Variants in NRXN3 observed in about 807,000 individuals in gnomAD.
The protein encoded by NRXN3 is neurexin III.
A neutral mutation model predicts 137.6 loss-of-function variants in NRXN3; 32 were observed. The ratio of observed to expected loss-of-function variants is 0.23; its 90% CI spans 0.18 to 0.31. NRXN3 has a LOEUF of 0.31. Ranked by LOEUF, NRXN3 falls within the 10% of genes least tolerant of loss-of-function variation. The pLI, the probability that NRXN3 is intolerant of heterozygous loss-of-function variation, is 1.00. For synonymous variants in NRXN3, 798 were observed against 784.5 expected (o/e 1.02, Z -0.29); for missense variants, 1,574 against 2,062.5 (o/e 0.76, Z 4.59).
chr14:78,368,087 C>CG (rs2086246493), intron 4 of NRXN3, among the ~76,000 whole-genome samples: 1 of 152,152 alleles, frequency 6.6e-6, no homozygotes, highest in African/African-American at 2.4e-5. Context: ...GTTTTAGCAA[C>CG]GGGAAAGTAA....
intron 15 of NRXN3, among the ~76,000 whole-genome samples, chr14:79,307,963 T>A (rs1598514132): frequency 2.0e-5 from 3 of 152,056 alleles, no homozygotes; most frequent in Admixed American, 2.0e-4. Context: ...TGGAGCATTG[T>A]TTTCTCTGAG....
chr14:79,326,977 T>A (rs944714271), intron 15 of NRXN3, among the ~76,000 whole-genome samples: 7 of 151,968 alleles, frequency 4.6e-5, no homozygotes, highest in African/African-American at 1.2e-4. Flanking sequence ...AAAACAAATT[T>A]AAAAAAAAGT....
At chr14:79,464,220 A>T (rs182975084) in intron 15 of NRXN3, among the ~76,000 whole-genome samples, 14 of 152,118 alleles carry the variant, frequency 9.2e-5, no homozygotes, top group Admixed American at 2.6e-4. Flanking sequence ...ATATTTTCAT[A>T]TTTTTTTCTT....
At chr14:79,131,024 C>T (rs1410443146) in intron 15 of NRXN3, among the ~76,000 whole-genome samples, 1 of 152,230 alleles carries the variant, frequency 6.6e-6, no homozygotes, top group African/African-American at 2.4e-5. Context: ...TGGCTTTCAG[C>T]TCCATCAGCT....
chr14:78,314,893 CTCTTTCTTTCTTTCTT>C (rs67628703), intron 4 of NRXN3, among the ~76,000 whole-genome samples: 19 of 82,122 alleles, frequency 2.3e-4, no homozygotes, highest in African/African-American at 1.0e-3. Flanking sequence ...TTCTTTCTTT[CTCTTTCTTTCTTTCTT>C]TCTTTCTTTC....
chr14:79,640,232 T>G (rs1398267990), intron 16 of NRXN3, among the ~76,000 whole-genome samples: 1 of 135,662 alleles, frequency 7.4e-6, no homozygotes, highest in East Asian at 2.0e-4. Flanking sequence ...CTTTCAGTGA[T>G]AGCTTAGGAA....
chr14:79,536,855 A>G (rs925222369), intron 16 of NRXN3, among the ~76,000 whole-genome samples: 5 of 152,110 alleles, frequency 3.3e-5, no homozygotes, highest in Non-Finnish European at 7.3e-5. Flanking sequence ...TGTCCAGTCT[A>G]TCATTGATGG....
chr14:79,650,567 A>G (rs2098471132), intron 16 of NRXN3, among the ~76,000 whole-genome samples: 1 of 152,158 alleles, frequency 6.6e-6, no homozygotes, highest in Non-Finnish European at 1.5e-5. Context: ...ATTATATCCA[A>G]GCCTTCTGAT....
At chr14:79,261,114 G>A (rs2153406453) in intron 15 of NRXN3, among the ~76,000 whole-genome samples, 1 of 152,308 alleles carries the variant, frequency 6.6e-6, no homozygotes, top group South Asian at 2.1e-4. Context: ...GCTGGGAAGG[G>A]GTGAGGAGGA....
intron 16 of NRXN3, among the ~76,000 whole-genome samples, chr14:79,582,957 G>T (rs1466723525): frequency 2.0e-5 from 3 of 152,054 alleles, no homozygotes; most frequent in Non-Finnish European, 2.9e-5. Flanking sequence ...TTAGTCTTAG[G>T]TATCTTTCCT....
Position 78,803,628 on chromosome 14 carries a change from A to C in NRXN3, c.2053A>C (p.Ile685Leu). The C allele has an allele frequency of 6.2e-7, 1 of 1,614,180 alleles. No individual in the cohort carries two copies. Among genetic ancestry groups the C allele is most frequent in the Non-Finnish European group, 8.5e-7 (1 of 1,180,008 alleles). The part of the protein sequence containing the change: ...WGRTCEREAS[I>L]LSYDGSMYMK... ...CCATTCTTCTTTGGCAGAGGCATCC[A>C]TCCTGAGCTATGATGGTAGCATGTA... Residue 685 changes from isoleucine to leucine, a missense_variant, in exon 9 of 21, where the codon ATC becomes CTC. This residue lies in a region of NRXN3 where 718 missense variants were observed against 887.6 expected (regional missense o/e 0.81). Coordinates refer to ENST00000335750, the MANE Select transcript of NRXN3 (RefSeq NM_001330195.2).
intron 8 of NRXN3, among the ~76,000 whole-genome samples, chr14:78,718,709 G>A (rs1420107458): frequency 1.3e-5 from 2 of 152,178 alleles, no homozygotes; most frequent in East Asian, 3.8e-4. Context: ...ATTGTATTTA[G>A]ATTTTTTTCA....
chr14:78,669,197 A>G (rs1486466778), intron 6 of NRXN3, among the ~76,000 whole-genome samples: 1 of 152,208 alleles, frequency 6.6e-6, no homozygotes, highest in South Asian at 2.1e-4. Flanking sequence ...TAAAGTCACA[A>G]AAATGCAAAA....
At chr14:78,821,069 T>C (rs1314445009) in intron 10 of NRXN3, among the ~76,000 whole-genome samples, 1 of 152,148 alleles carries the variant, frequency 6.6e-6, no homozygotes, top group African/African-American at 2.4e-5. Context: ...TACTCTTTTG[T>C]CCCCTAAATC....
chr14:78,941,499 T>C (rs1048846739), intron 10 of NRXN3, among the ~76,000 whole-genome samples: 7 of 152,148 alleles, frequency 4.6e-5, no homozygotes, highest in Non-Finnish European at 1.0e-4. Flanking sequence ...TACCCCTTTG[T>C]TTTCCGCAAA....
At chr14:78,437,142 G>A (rs189860038) in intron 4 of NRXN3, among the ~76,000 whole-genome samples, 1 of 152,172 alleles carries the variant, frequency 6.6e-6, no homozygotes, top group Non-Finnish European at 1.5e-5. Context: ...TGCCTGACAT[G>A]GGACAAATTC....
intron 15 of NRXN3, among the ~76,000 whole-genome samples, chr14:79,358,607 G>GAAAGGGAA (rs10667477): frequency 2.5e-5 from 2 of 79,944 alleles, no homozygotes; most frequent in Non-Finnish European, 5.1e-5. Context: ...AAGAAAGAAA[G>GAAAGGGAA]AGAAAGAAAG....
chr14:79,081,548 G>A (rs1228663960), intron 15 of NRXN3, among the ~76,000 whole-genome samples: 1 of 151,516 alleles, frequency 6.6e-6, no homozygotes, highest in Non-Finnish European at 1.5e-5. Flanking sequence ...CTGCCCAGAG[G>A]CAGAGGTTGC....
At chr14:78,987,873 A>G (rs1003901150) in intron 14 of NRXN3, 149 bp from the exon 15 acceptor site, 50 of 772,982 alleles carry the variant, frequency 6.5e-5, no homozygotes, top group Non-Finnish European at 9.9e-5. Flanking sequence ...TTCTTGTTGC[A>G]TGAGATTGAG....
Sources: gnomAD v4.1 joint callset for allele counts (sites outside exome capture counted in the v4.1 genomes callset) on GRCh38, gnomAD v4.1.1 for gene constraint, gnomAD v4.1.1 regional missense constraint, MANE v1.5 for transcripts, NCBI Gene and HGNC (gene_info 2026-07-23, HGNC 2026-07-21) for gene names.